The following SRGAP3 variants were observed in gnomAD, a reference collection of about 807,000 sequenced individuals.
The protein encoded by SRGAP3 is SLIT-ROBO Rho GTPase activating protein 3, also known as SLIT-ROBO Rho GTPase-activating protein 3.
SRGAP3 carries 39 observed loss-of-function variants against 121.1 expected under a neutral mutation model. The observed-to-expected ratio is 0.32, with a 90% confidence interval of 0.25 to 0.42. The LOEUF is 0.42. Among genes scored for constraint, SRGAP3 ranks in the 10% least tolerant of loss-of-function variants. The probability of loss-of-function intolerance (pLI) is 1.00; values close to 1 mark genes in which losing one functional copy is unlikely to be tolerated. For missense variants in SRGAP3, 1,213 were observed against 1,470.6 expected (o/e 0.82, Z 2.86); for synonymous variants, 601 against 570.0 (o/e 1.05, Z -0.77).
chr3:9,278,455 C>T (rs1018431759), intron 3 of SRGAP3, among the ~76,000 whole-genome samples: 1 of 152,210 alleles, frequency 6.6e-6, no homozygotes, highest in African/African-American at 2.4e-5. Flanking sequence ...GACCAACTCT[C>T]AATGCCCTCA....
intron 1 of SRGAP3, among the ~76,000 whole-genome samples, chr3:9,125,816 G>A (rs771659242): frequency 7.2e-5 from 11 of 152,178 alleles, no homozygotes; most frequent in East Asian, 1.9e-4. Flanking sequence ...CACCAGCAAC[G>A]TGCTCAGAAA....
At chr3:9,122,678 C>T (rs1949055485) in intron 2 of SRGAP3, among the ~76,000 whole-genome samples, 1 of 145,622 alleles carries the variant, frequency 6.9e-6, no homozygotes, top group Non-Finnish European at 1.5e-5. Context: ...CACTGCATTC[C>T]AGCCTGGGTG....
chr3:9,296,029 C>T (rs1259064982), intron 3 of SRGAP3, among the ~76,000 whole-genome samples: 2 of 152,168 alleles, frequency 1.3e-5, no homozygotes, highest in Admixed American at 1.3e-4. Flanking sequence ...TTTTCTTTAT[C>T]CATTCATCCA....
intron 1 of SRGAP3, among the ~76,000 whole-genome samples, chr3:9,342,108 C>T (rs889191573): frequency 5.3e-5 from 8 of 152,062 alleles, no homozygotes; most frequent in Admixed American, 1.3e-4. Flanking sequence ...CCCAGCACTT[C>T]GGGAAGCCGA....
intron 12 of SRGAP3, among the ~76,000 whole-genome samples, chr3:9,030,435 C>A (rs1441499612): frequency 2.6e-5 from 4 of 152,172 alleles, no homozygotes; most frequent in Non-Finnish European, 5.9e-5. Context: ...GCTTTCTATT[C>A]CAAAGACAAG....
In SRGAP3 at chr3:9,272,612, C is replaced by A. The variant is rs552137679; in HGVS notation, n.442+53398G>T. 2.6e-5 allele frequency among the ~76,000 whole-genome samples: 4 copies of A among 152,234 alleles called. No individual in the cohort carries two copies. The South Asian group carries it at 8.3e-4, about 32-fold the overall frequency. ...TTCCTCTTTAAGGATGAATAATATT[C>A]TAATGTATATATGTATCAAGTTTTA... On this transcript the variant is annotated intron_variant and non_coding_transcript_variant, in intron 3 of 3. Coordinates refer to the SRGAP3 transcript ENST00000490889.
intron 16 of SRGAP3, 58 bp downstream of exon 16, chr3:9,013,679 C>T (rs1943483666): frequency 2.5e-6 from 4 of 1,588,808 alleles, no homozygotes; most frequent in South Asian, 2.2e-5. Context: ...CTCAAGATAC[C>T]CCCTCCCAAA....
chr3:9,006,754 T>C (rs1322357068), intron 18 of SRGAP3, among the ~76,000 whole-genome samples: 3 of 152,182 alleles, frequency 2.0e-5, no homozygotes, highest in Non-Finnish European at 4.4e-5. Flanking sequence ...TTTTATAATC[T>C]AATAATCTTG....
In SRGAP3 at chr3:9,231,341, C is replaced by T. The variant is rs138870806; in HGVS notation, c.67+17544G>A. Reference sequence around the variant, plus strand: ...TCATTCATCTTGCCTCCCTTGGAAACGGCCGTCACCCATTTGGCAGTAATG... The same window carrying T: ...TCATTCATCTTGCCTCCCTTGGAAATGGCCGTCACCCATTTGGCAGTAATG... On this transcript the variant is annotated intron_variant, in intron 1 of 21. Transcript: ENST00000383836. Among the ~76,000 whole-genome samples the T allele has an allele frequency of 3.5e-4, 54 of 152,292 alleles. No homozygotes were observed. In the East Asian group the frequency reaches 9.8e-3, roughly 28 times the overall value.
chr3:9,295,362 G>T (rs1954934780), intron 3 of SRGAP3, among the ~76,000 whole-genome samples: 1 of 152,182 alleles, frequency 6.6e-6, no homozygotes, highest in South Asian at 2.1e-4. Context: ...AAGAAGTGTT[G>T]TGCCTGCTGT....
Position 9,199,583 on chromosome 3 carries a change from C to T in SRGAP3, c.67+49302G>A, listed in dbSNP as rs116296095. Among the ~76,000 whole-genome samples the T allele has an allele frequency of 2.6e-3, 391 of 152,250 alleles. 1 individual carries two copies. The highest frequency in any genetic ancestry group is 4.7e-3 in the Non-Finnish European group (318 of 68,020). On this transcript the variant is annotated intron_variant, in intron 1 of 21. Transcript: ENST00000383836. ...ATAATATTCCATCAAAGAGTTGTAA[C>T]ATTATTAAATAGGTTCTGCTTTTGT...
chr3:9,101,963 T>G (rs866398063), intron 3 of SRGAP3, among the ~76,000 whole-genome samples: 4 of 152,130 alleles, frequency 2.6e-5, no homozygotes, highest in Non-Finnish European at 4.4e-5. Flanking sequence ...CATGAAAAGG[T>G]AAGTTATTAA....
chr3:9,069,471 G>A (rs1362235689), intron 4 of SRGAP3, among the ~76,000 whole-genome samples: 1 of 152,168 alleles, frequency 6.6e-6, no homozygotes, highest in Non-Finnish European at 1.5e-5. Context: ...TTGATGCCAG[G>A]GAAGGGATTC....
At chr3:9,023,286 T>C (rs1944016432) in intron 14 of SRGAP3, among the ~76,000 whole-genome samples, 1 of 152,162 alleles carries the variant, frequency 6.6e-6, no homozygotes, top group African/African-American at 2.4e-5. Flanking sequence ...AGCAGGGATG[T>C]AAGGAGCTGG....
intron 1 of SRGAP3, among the ~76,000 whole-genome samples, chr3:9,184,357 C>T (rs1306441621): frequency 6.6e-6 from 1 of 152,140 alleles, no homozygotes; most frequent in Non-Finnish European, 1.5e-5. Context: ...TGAATCTGAA[C>T]TGCCACAGCT....
intron 8 of SRGAP3, 98 bp from the exon 9 acceptor site, chr3:9,053,322 G>C: frequency 8.2e-7 from 1 of 1,221,024 alleles, no homozygotes; most frequent in East Asian, 2.5e-5. Context: ...TCTTCCATAT[G>C]AAGTCCCTAG....
intron 3 of SRGAP3, among the ~76,000 whole-genome samples, chr3:9,092,386 GATA>G (rs759048299): frequency 9.5e-4 from 145 of 152,188 alleles, no homozygotes; most frequent in Non-Finnish European, 1.7e-3. Context: ...TACCATTGTG[GATA>G]ATAACAATAA....
intron 14 of SRGAP3, chr3:9,016,070 C>T: frequency 2.9e-6 from 1 of 349,946 alleles, no homozygotes; most frequent in East Asian, 6.5e-5. Flanking sequence ...CATCAAAACA[C>T]ACCACCGCTA....
chr3:9,089,290 G>GGC (rs1371111167), intron 3 of SRGAP3, among the ~76,000 whole-genome samples: 3 of 83,074 alleles, frequency 3.6e-5, no homozygotes, highest in African/African-American at 1.2e-4. Context: ...AAGTGGGGTG[G>GGC]GCGGGGGGGG....
Sources: gnomAD v4.1 joint callset for allele counts (sites outside exome capture counted in the v4.1 genomes callset) on GRCh38, gnomAD v4.1.1 for gene constraint, MANE v1.5 for transcripts, NCBI Gene and HGNC (gene_info 2026-07-23, HGNC 2026-07-21) for gene names.